Variants in PLXNA2 observed in about 807,000 individuals in gnomAD.
PLXNA2 encodes the protein plexin-A2.
PLXNA2 carries 91 observed loss-of-function variants against 193.5 expected under a neutral mutation model. That is an observed-to-expected ratio of 0.47 (90% CI 0.40 to 0.56). The LOEUF is 0.56. PLXNA2 is among the 20% of genes least tolerant of loss of function. PLXNA2 has a pLI of 0.00. For synonymous variants in PLXNA2, 997 were observed against 1,027.3 expected (o/e 0.97, Z 0.56); for missense variants, 1,995 against 2,503.2 (o/e 0.80, Z 4.33).
At chr1:208,129,587 T>C (rs1192367803) in intron 4 of PLXNA2, among the ~76,000 whole-genome samples, 2 of 152,218 alleles carry the variant, frequency 1.3e-5, no homozygotes, top group Non-Finnish European at 2.9e-5. Context: ...ACTCCCAAGC[T>C]TTCCTTAACT....
chr1:208,139,425 T>G (rs1157684060), intron 4 of PLXNA2, among the ~76,000 whole-genome samples: 3 of 152,142 alleles, frequency 2.0e-5, no homozygotes, highest in African/African-American at 4.8e-5. Context: ...TCATGAGGCA[T>G]GAGAGCTAGA....
chr1:208,049,958 T>C (rs535496263), intron 17 of PLXNA2, among the ~76,000 whole-genome samples: 3 of 152,348 alleles, frequency 2.0e-5, no homozygotes, highest in African/African-American at 7.2e-5. Flanking sequence ...TAGCATCTGC[T>C]ATAATATAAT....
intron 1 of PLXNA2, among the ~76,000 whole-genome samples, chr1:208,233,192 C>T (rs1671744336): frequency 6.6e-6 from 1 of 152,146 alleles, no homozygotes; most frequent in African/African-American, 2.4e-5. Flanking sequence ...CCTCTCTTGC[C>T]AGGTTGAAAC....
chr1:208,195,333 T>G (rs985600236), intron 3 of PLXNA2, among the ~76,000 whole-genome samples: 1 of 152,156 alleles, frequency 6.6e-6, no homozygotes. Context: ...AAGATTTCCC[T>G]CTAGCTTTTG....
At chr1:208,232,319 C>A (rs1671716943) in intron 1 of PLXNA2, among the ~76,000 whole-genome samples, 1 of 152,238 alleles carries the variant, frequency 6.6e-6, no homozygotes, top group African/African-American at 2.4e-5. Flanking sequence ...CCTCTGCAGT[C>A]CCTGCAGCCA....
At chr1:208,056,633 A>G (rs1284875459) in intron 13 of PLXNA2, among the ~76,000 whole-genome samples, 1 of 152,188 alleles carries the variant, frequency 6.6e-6, no homozygotes. Flanking sequence ...AGTATATTCA[A>G]GCACCTAGGA....
chr1:208,158,351 C>T (rs535796295), intron 3 of PLXNA2, among the ~76,000 whole-genome samples: 1 of 152,178 alleles, frequency 6.6e-6, no homozygotes, highest in East Asian at 1.9e-4. Context: ...TGTGCTGTCT[C>T]TACTTCTTTC....
rs534158747 is a variant in PLXNA2 at position 208,072,258 on chromosome 1, A to T, written c.2586+7002T>A. 2.6e-5 allele frequency among the ~76,000 whole-genome samples: 4 copies of T among 152,346 alleles called. 1 individual carries two copies. The South Asian group carries it at 8.3e-4, about 32-fold the overall frequency. ...ACTGAGGCTGAAAAATTCACAAAGT[A>T]AAAGCTACATGGTGGTCATTGGAGA... On this transcript the variant is annotated intron_variant, in intron 12 of 31. Coordinates refer to ENST00000367033, the MANE Select transcript of PLXNA2 (RefSeq NM_025179.4).
intron 1 of PLXNA2, among the ~76,000 whole-genome samples, chr1:208,232,284 C>A (rs1487479615): frequency 6.6e-6 from 1 of 152,188 alleles, no homozygotes; most frequent in Non-Finnish European, 1.5e-5. Flanking sequence ...ATGCAGCTGC[C>A]AGCAACCCCT....
chr1:208,036,426 C>T (rs1340855709), intron 26 of PLXNA2, among the ~76,000 whole-genome samples: 4 of 152,166 alleles, frequency 2.6e-5, no homozygotes, highest in Non-Finnish European at 5.9e-5. Flanking sequence ...GGTCAAGATG[C>T]CTGGCTGGGT....
At chr1:208,122,500 C>T (rs1257458985) in intron 4 of PLXNA2, among the ~76,000 whole-genome samples, 2 of 152,168 alleles carry the variant, frequency 1.3e-5, no homozygotes, top group Non-Finnish European at 2.9e-5. Context: ...AAATTAAGTT[C>T]TGGACAGCTA....
At chr1:208,117,032 G>A (rs929773155) in intron 4 of PLXNA2, among the ~76,000 whole-genome samples, 2 of 152,134 alleles carry the variant, frequency 1.3e-5, no homozygotes, top group Non-Finnish European at 2.9e-5. Flanking sequence ...TTAGCCGGGT[G>A]TGGTGGTGCA....
intron 14 of PLXNA2, among the ~76,000 whole-genome samples, chr1:208,053,754 G>A (rs1299604850): frequency 6.6e-6 from 1 of 152,206 alleles, no homozygotes; most frequent in African/African-American, 2.4e-5. Flanking sequence ...TGGCTCCAGG[G>A]CCCCAGAAGC....
rs200458821 is a variant in PLXNA2 at position 208,079,471 on chromosome 1, C to G, written c.2396-21G>C. ...ATGGACTGCAAAGAGAGCAGGTGGT[C>G]ACAGATGAAACCAGAAAGGGCTGCT... On this transcript the variant is annotated intron_variant, in intron 11 of 31. Transcript: ENST00000367033. 200 of 1,540,648 alleles carry G rather than the reference C, an allele frequency of 1.3e-4. 3 individuals are homozygous for G. In the African/African-American group the frequency reaches 2.4e-3, roughly 18 times the overall value.
intron 10 of PLXNA2, 58 bp downstream of exon 10, chr1:208,084,322 C>T (rs773134253): frequency 1.3e-5 from 21 of 1,570,946 alleles, no homozygotes; most frequent in Non-Finnish European, 1.7e-5. Context: ...ACTGAGGCCC[C>T]AGCACGAGTG....
At chr1:208,052,258 C>T in intron 15 of PLXNA2, 69 bp downstream of exon 15, 1 of 1,508,594 alleles carries the variant, frequency 6.6e-7, no homozygotes, top group Non-Finnish European at 9.1e-7. Flanking sequence ...AATGAACATG[C>T]ACAGTAACAT....
At chr1:208,056,938 T>C (rs1665451164) in intron 13 of PLXNA2, among the ~76,000 whole-genome samples, 1 of 152,198 alleles carries the variant, frequency 6.6e-6, no homozygotes. Flanking sequence ...TCAACTCTTC[T>C]TCCCTTTCAT....
chr1:208,130,832 C>G (rs527522386), intron 4 of PLXNA2, among the ~76,000 whole-genome samples: 1 of 152,328 alleles, frequency 6.6e-6, no homozygotes, highest in South Asian at 2.1e-4. Flanking sequence ...CCTTATCTGA[C>G]AGACAGCATG....
intron 17 of PLXNA2, among the ~76,000 whole-genome samples, chr1:208,048,315 C>G (rs926129834): frequency 6.6e-6 from 1 of 152,216 alleles, no homozygotes; most frequent in Non-Finnish European, 1.5e-5. Context: ...TGAGGATGAG[C>G]TGGGGCCCAA....
Sources: gnomAD v4.1 joint callset for allele counts (sites outside exome capture counted in the v4.1 genomes callset) on GRCh38, gnomAD v4.1.1 for gene constraint, MANE v1.5 for transcripts, NCBI Gene and HGNC (gene_info 2026-07-23, HGNC 2026-07-21) for gene names.